ARHGAP24: variants seen among roughly 807,000 people sequenced by gnomAD.
ARHGAP24 encodes rho GTPase-activating protein 24.
In ARHGAP24, 50 loss-of-function variants were observed where a neutral mutation model predicts 76.4. That is an observed-to-expected ratio of 0.65 (90% CI 0.52 to 0.83). The LOEUF (loss-of-function observed/expected upper bound fraction) is 0.83, where lower values mean the gene tolerates loss of function less well. Among genes scored for constraint, ARHGAP24 ranks in the 40% least tolerant of loss-of-function variants. The probability of loss-of-function intolerance (pLI) is 0.00; values close to 1 mark genes in which losing one functional copy is unlikely to be tolerated. For synonymous variants in ARHGAP24, 345 were observed against 323.3 expected (o/e 1.07, Z -0.72); for missense variants, 930 against 914.2 (o/e 1.02, Z -0.22).
chr4:85,601,182 G>A (rs889776826), intron 2 of ARHGAP24, among the ~76,000 whole-genome samples: 1 of 152,104 alleles, frequency 6.6e-6, no homozygotes, highest in African/African-American at 2.4e-5. Context: ...CAACTGGAAT[G>A]TAACTACCAT....
At chr4:85,924,573 A>G (rs1019919848) in intron 4 of ARHGAP24, 3 of 152,156 alleles carry the variant, frequency 2.0e-5, no homozygotes, top group Non-Finnish European at 2.9e-5. Flanking sequence ...TTCACACTTT[A>G]TAAACAATTA....
chr4:85,603,444 T>C (rs1355553437), intron 2 of ARHGAP24, among the ~76,000 whole-genome samples: 2 of 152,206 alleles, frequency 1.3e-5, no homozygotes, highest in African/African-American at 4.8e-5. Context: ...TATAAAAATG[T>C]TTCTTAAGTT....
chr4:85,600,606 G>A (rs1196702051), intron 2 of ARHGAP24, among the ~76,000 whole-genome samples: 1 of 152,134 alleles, frequency 6.6e-6, no homozygotes, highest in Non-Finnish European at 1.5e-5. Context: ...CCTTTGGAAG[G>A]CTAAAAGCCC....
intron 3 of ARHGAP24, among the ~76,000 whole-genome samples, chr4:85,855,486 C>T (rs964295726): frequency 6.6e-6 from 1 of 152,064 alleles, no homozygotes; most frequent in African/African-American, 2.4e-5. Context: ...GTGGGTGGAT[C>T]ACCTGAGGTC....
rs142946723 is a variant in ARHGAP24 at position 85,752,805 on chromosome 4, C to T, written c.268+30833C>T. On this transcript the variant is annotated intron_variant, in intron 3 of 9. Coordinates refer to ENST00000395184, the MANE Select transcript of ARHGAP24 (RefSeq NM_001025616.3). ...GTGTTACGAGAGAAGACAGATGTAA[C>T]GTGCCTAACACCTTGCTTGGCACAA... 2.0e-4 allele frequency among the ~76,000 whole-genome samples: 31 copies of T among 152,292 alleles called. No homozygotes were observed. The East Asian group carries it at 4.2e-3, about 21-fold the overall frequency.
chr4:85,644,501 A>G (rs1021045489), intron 2 of ARHGAP24, among the ~76,000 whole-genome samples: 1 of 152,130 alleles, frequency 6.6e-6, no homozygotes. Context: ...ATGATTGCAT[A>G]TTTCTTTATA....
At chr4:85,606,731 A>G (rs1484403491) in intron 2 of ARHGAP24, among the ~76,000 whole-genome samples, 1 of 152,196 alleles carries the variant, frequency 6.6e-6, no homozygotes, top group Admixed American at 6.5e-5. Context: ...GGGATAGACC[A>G]GTGAACAACT....
chr4:86,000,695 G>A lies in ARHGAP24; in HGVS notation c.2220G>A (p.Glu740=), dbSNP rs529319479. Residue 740 remains glutamate (E), a synonymous_variant, in exon 10 of 10, where the codon GAG becomes GAA. Coordinates refer to ENST00000395184, the MANE Select transcript of ARHGAP24 (RefSeq NM_001025616.3). ...TGACAGTGGAACCCAGGAGAACCGA[G>A]AGAGGAAACACAATATGGATTCAGT... The part of the protein sequence containing the change: ...GELTVEPRRT[E]RGNTIWIQ The A allele has an allele frequency of 6.2e-7, 1 of 1,613,968 alleles. No individual in the cohort carries two copies. Among genetic ancestry groups the A allele is most frequent in the African/African-American group, 1.3e-5 (1 of 75,048 alleles).
chr4:85,493,571 C>G (rs1392127937), intron 1 of ARHGAP24, among the ~76,000 whole-genome samples: 1 of 152,054 alleles, frequency 6.6e-6, no homozygotes, highest in Admixed American at 6.6e-5. Context: ...CCATTGGAAG[C>G]CCTTTAAGTT....
chr4:85,923,758 C>A lies in ARHGAP24; in HGVS notation c.379C>A (p.Pro127Thr), dbSNP rs1382835691. 1.2e-6 allele frequency: 2 copies of A among 1,613,798 alleles called. No individual in the cohort carries two copies. Among genetic ancestry groups the A allele is most frequent in the Non-Finnish European group, 1.7e-6 (2 of 1,179,936 alleles). ...VKSIRRVIWG[P>T]FGGGIFGQKL... ...GTCAATCCGCCGAGTCATATGGGGACCTTTCGGAGGAGGTGAGTGTACTTT... is the reference window on the plus strand; with the variant it reads ...GTCAATCCGCCGAGTCATATGGGGAACTTTCGGAGGAGGTGAGTGTACTTT... The change falls in exon 4 of 10, where the codon CCT (proline) becomes ACT (threonine). Residue 127 changes from proline to threonine, a missense_variant. By Grantham distance (38) the Pro-to-Thr change is conservative (BLOSUM62 -1). Coordinates refer to ENST00000395184, the MANE Select transcript of ARHGAP24 (RefSeq NM_001025616.3).
intron 3 of ARHGAP24, among the ~76,000 whole-genome samples, chr4:85,918,251 A>G (rs1735529375): frequency 6.6e-6 from 1 of 152,000 alleles, no homozygotes; most frequent in South Asian, 2.1e-4. Context: ...ATAATATCAT[A>G]CATAAAATTT....
At chr4:85,942,376 G>A in intron 5 of ARHGAP24, 103 bp downstream of exon 5, 1 of 1,323,260 alleles carries the variant, frequency 7.6e-7, no homozygotes, top group Non-Finnish European at 1.1e-6. Context: ...TGTGGTAACA[G>A]TTTACAACAT....
intron 2 of ARHGAP24, among the ~76,000 whole-genome samples, chr4:85,693,252 G>A (rs967923966): frequency 6.6e-6 from 1 of 152,236 alleles, no homozygotes; most frequent in Non-Finnish European, 1.5e-5. Flanking sequence ...CCTGGGCCTT[G>A]GGGGAGCACC....
chr4:85,731,260 G>T (rs1725398060), intron 3 of ARHGAP24, among the ~76,000 whole-genome samples: 1 of 152,122 alleles, frequency 6.6e-6, no homozygotes, highest in Non-Finnish European at 1.5e-5. Context: ...ATGACAAGAA[G>T]AAATGGGGTT....
At chr4:85,517,363 G>A (rs1488413635) in intron 1 of ARHGAP24, among the ~76,000 whole-genome samples, 2 of 150,644 alleles carry the variant, frequency 1.3e-5, no homozygotes, top group South Asian at 4.3e-4. Context: ...TATAATTGTG[G>A]ACATTTTTAT....
At chr4:85,968,020 G>T (rs1738735027) in intron 5 of ARHGAP24, among the ~76,000 whole-genome samples, 1 of 152,144 alleles carries the variant, frequency 6.6e-6, no homozygotes, top group Non-Finnish European at 1.5e-5. Flanking sequence ...TTGAACAGCT[G>T]CCTGTGATTG....
At chr4:85,552,558 G>A (rs1476312857) in intron 1 of ARHGAP24, among the ~76,000 whole-genome samples, 2 of 152,110 alleles carry the variant, frequency 1.3e-5, no homozygotes, top group Non-Finnish European at 2.9e-5. Context: ...TTGAGTTCAA[G>A]TCCTGAATAT....
intron 2 of ARHGAP24, among the ~76,000 whole-genome samples, chr4:85,682,980 A>G (rs1023086045): frequency 6.6e-6 from 1 of 151,978 alleles, no homozygotes; most frequent in Admixed American, 6.6e-5. Context: ...TTTGCCTGGT[A>G]CATTACAATA....
chr4:85,729,610 C>T (rs10516754), intron 3 of ARHGAP24, among the ~76,000 whole-genome samples: 4,983 of 152,136 alleles, frequency 0.033, 244 homozygotes, highest in African/African-American at 0.11. Context: ...CATCACTATT[C>T]GCTAGACCAG....
Sources: gnomAD v4.1 joint callset for allele counts (sites outside exome capture counted in the v4.1 genomes callset) on GRCh38, gnomAD v4.1.1 for gene constraint, MANE v1.5 for transcripts, NCBI Gene and HGNC (gene_info 2026-07-23, HGNC 2026-07-21) for gene names.